Variants in APP observed in about 807,000 individuals in gnomAD.
The protein encoded by APP is amyloid-beta precursor protein.
In APP, 31 loss-of-function variants were observed where a neutral mutation model predicts 101.4. The observed-to-expected ratio is 0.31, with a 90% confidence interval of 0.23 to 0.41. APP has a LOEUF of 0.41. Among genes scored for constraint, APP ranks in the 10% least tolerant of loss-of-function variants. The probability of loss-of-function intolerance (pLI) is 1.00; values close to 1 mark genes in which losing one functional copy is unlikely to be tolerated. For synonymous variants in APP, 366 were observed against 364.4 expected (o/e 1.00, Z -0.05); for missense variants, 839 against 1,003.7 (o/e 0.84, Z 2.22).
intron 13 of APP, among the ~76,000 whole-genome samples, chr21:25,945,119 T>C (rs1323211791): frequency 6.6e-6 from 1 of 152,306 alleles, no homozygotes; most frequent in Non-Finnish European, 1.5e-5. Flanking sequence ...CAAAAACTAC[T>C]GACATGTCAG....
chr21:26,046,812 G>GAGC (rs1249913248), intron 5 of APP, among the ~76,000 whole-genome samples: 3 of 152,130 alleles, frequency 2.0e-5, no homozygotes, highest in Non-Finnish European at 4.4e-5. Context: ...TCCAGGTGAG[G>GAGC]AGCAGCTCTG....
intron 13 of APP, among the ~76,000 whole-genome samples, chr21:25,953,233 C>A (rs929895652): frequency 7.2e-5 from 11 of 152,216 alleles, no homozygotes; most frequent in African/African-American, 2.7e-4. Context: ...TATGAAGTTT[C>A]TTCTGCAAGT....
chr21:25,921,488 C>T (rs966236305), intron 13 of APP, among the ~76,000 whole-genome samples: 47 of 148,198 alleles, frequency 3.2e-4, no homozygotes, highest in African/African-American at 1.1e-3. Flanking sequence ...GCTAGCAAGA[C>T]TAATAAAGAA....
chr21:25,967,694 G>A (rs1206149533), intron 11 of APP, among the ~76,000 whole-genome samples: 2 of 152,164 alleles, frequency 1.3e-5, no homozygotes, highest in Non-Finnish European at 2.9e-5. Context: ...TGTCTATGAA[G>A]GATAAGCAGA....
intron 3 of APP, among the ~76,000 whole-genome samples, chr21:26,072,622 T>C (rs1477395356): frequency 6.6e-6 from 1 of 152,084 alleles, no homozygotes; most frequent in African/African-American, 2.4e-5. Flanking sequence ...ACATACTAGT[T>C]GTTATTTACC....
At chr21:25,891,992 A>G (rs2037728942) in intron 16 of APP, 124 bp from the exon 17 acceptor site, 1 of 986,704 alleles carries the variant, frequency 1.0e-6, no homozygotes, top group Non-Finnish European at 1.5e-6. Flanking sequence ...GTTATATAAA[A>G]AGTTTCAGTA....
chr21:25,968,772 G>A (rs541112465), intron 11 of APP, among the ~76,000 whole-genome samples: 4 of 152,242 alleles, frequency 2.6e-5, no homozygotes, highest in South Asian at 2.1e-4. Context: ...TTGGAATCCC[G>A]TGTTTGCAAA....
intron 13 of APP, among the ~76,000 whole-genome samples, chr21:25,927,425 G>A (rs1301025408): frequency 2.0e-5 from 3 of 152,118 alleles, no homozygotes; most frequent in South Asian, 2.1e-4. Flanking sequence ...CCTGTATGAC[G>A]CGGCCACATT....
At chr21:26,017,288 T>C (rs982942723) in intron 6 of APP, among the ~76,000 whole-genome samples, 1 of 150,398 alleles carries the variant, frequency 6.6e-6, no homozygotes, top group Non-Finnish European at 1.5e-5. Flanking sequence ...AGTTACAAGG[T>C]TTAAAGACAG....
intron 2 of APP, among the ~76,000 whole-genome samples, chr21:26,092,581 C>G (rs1601438492): frequency 6.6e-6 from 1 of 152,168 alleles, no homozygotes. Context: ...TGAAACTACT[C>G]TGTATGGTAC....
At chr21:25,987,264 G>A (rs1199047553) in intron 8 of APP, among the ~76,000 whole-genome samples, 1 of 152,128 alleles carries the variant, frequency 6.6e-6, no homozygotes, top group East Asian at 1.9e-4. Flanking sequence ...CTGGCCTTGG[G>A]TCCCTCCTTC....
At chr21:26,093,587 T>C (rs1243790843) in intron 2 of APP, among the ~76,000 whole-genome samples, 1 of 152,118 alleles carries the variant, frequency 6.6e-6, no homozygotes, top group Non-Finnish European at 1.5e-5. Flanking sequence ...ACTGATTAGG[T>C]TGACTATTTC....
intron 14 of APP, among the ~76,000 whole-genome samples, chr21:25,907,927 A>G (rs1033400694): frequency 2.0e-5 from 3 of 151,590 alleles, no homozygotes; most frequent in African/African-American, 7.3e-5. Context: ...AGGCAGCTTC[A>G]CATTTTGCAA....
intron 8 of APP, 88 bp from the exon 9 acceptor site, chr21:25,982,565 G>C (rs1202011982): frequency 1.5e-6 from 2 of 1,338,888 alleles, no homozygotes; most frequent in Non-Finnish European, 2.1e-6. Context: ...CGTATTTTCA[G>C]TTATTTCTCA....
At chr21:25,930,748 G>A (rs1024618777) in intron 13 of APP, among the ~76,000 whole-genome samples, 16 of 152,150 alleles carry the variant, frequency 1.1e-4, no homozygotes, top group African/African-American at 3.1e-4. Flanking sequence ...TGGCCTACTC[G>A]TGTTTTCTTT....
intron 2 of APP, among the ~76,000 whole-genome samples, chr21:26,106,560 A>T (rs929661644): frequency 6.6e-6 from 1 of 152,094 alleles, no homozygotes; most frequent in Non-Finnish European, 1.5e-5. Context: ...GTCATAGCTT[A>T]CTGTAACCTT....
chr21:26,125,189 C>T (rs2062655910), intron 1 of APP, among the ~76,000 whole-genome samples: 2 of 152,154 alleles, frequency 1.3e-5, no homozygotes, highest in South Asian at 4.1e-4. Flanking sequence ...CGTGTGAAGT[C>T]ACTGGGAGCT....
rs370094410 is a variant in APP at position 25,912,354 on chromosome 21, C to T, written c.1688-392G>A. Among the ~76,000 whole-genome samples the T allele has an allele frequency of 2.6e-5, 4 of 152,118 alleles. No individual in the cohort carries two copies. The East Asian group carries it at 7.7e-4, about 29-fold the overall frequency. ...GAATAAACGCCAGGCTTTGGTGTGG[C>T]GGCAGTAAGTGAGGCACAATCTCAT... is the stretch of plus-strand genomic sequence containing the variant. On this transcript the variant is annotated intron_variant, in intron 13 of 17. Transcript: ENST00000346798.
chr21:25,880,931 C>A lies in APP; in HGVS notation c.*739G>T, dbSNP rs2036946032. 2 of 152,480 alleles carry A rather than the reference C, an allele frequency of 1.3e-5. No homozygotes were observed. Among genetic ancestry groups the A allele is most frequent in the South Asian group, 2.1e-4 (1 of 4,804 alleles). 9.4% of individuals were successfully genotyped at this position (152,480 alleles called of 1,614,324 possible). ...TCTTGGTAATTGAAGACCAGCAGAGCACCCCTCCCCACCCGCCCCGTAAAA... is the reference window on the plus strand; with the variant it reads ...TCTTGGTAATTGAAGACCAGCAGAGAACCCCTCCCCACCCGCCCCGTAAAA... On this transcript the variant is annotated 3_prime_UTR_variant, in exon 18 of 18. Coordinates refer to ENST00000346798, the MANE Select transcript of APP (RefSeq NM_000484.4).
Sources: gnomAD v4.1 joint callset for allele counts (sites outside exome capture counted in the v4.1 genomes callset) on GRCh38, gnomAD v4.1.1 for gene constraint, MANE v1.5 for transcripts, NCBI Gene and HGNC (gene_info 2026-07-23, HGNC 2026-07-21) for gene names.